Variants in CACNA1C observed in about 807,000 individuals in gnomAD.
The protein encoded by CACNA1C is voltage-dependent L-type calcium channel subunit alpha-1C.
CACNA1C carries 30 observed loss-of-function variants against 229.0 expected under a neutral mutation model. That is an observed-to-expected ratio of 0.13 (90% CI 0.10 to 0.18). The LOEUF (loss-of-function observed/expected upper bound fraction) is 0.18. CACNA1C is among the 10% of genes least tolerant of loss of function. The probability of loss-of-function intolerance (pLI) is 1.00; values close to 1 mark genes in which losing one functional copy is unlikely to be tolerated. For synonymous variants in CACNA1C, 1,114 were observed against 1,132.5 expected (o/e 0.98, Z 0.33); for missense variants, 1,658 against 2,845.0 (o/e 0.58, Z 9.49).
chr12:2,004,441 C>G, intron 1 of CACNA1C: 1 of 1,603,864 alleles, frequency 6.2e-7, no homozygotes, highest in African/African-American at 1.3e-5. Flanking sequence ...TCTTCCCTCC[C>G]TCCCAGACAT....
chr12:2,388,568 T>C (rs1309542810), intron 3 of CACNA1C, among the ~76,000 whole-genome samples: 2 of 152,234 alleles, frequency 1.3e-5, no homozygotes, highest in East Asian at 3.8e-4. Flanking sequence ...GATCAGTTCA[T>C]GGTTCATGTT....
chr12:2,591,006 A>C (rs2065029045), intron 18 of CACNA1C, among the ~76,000 whole-genome samples: 1 of 152,158 alleles, frequency 6.6e-6, no homozygotes, highest in South Asian at 2.1e-4. Flanking sequence ...TGGGTGTCAC[A>C]AGAACTCCAA....
At chr12:2,501,447 A>G (rs1291377969) in intron 7 of CACNA1C, among the ~76,000 whole-genome samples, 1 of 152,130 alleles carries the variant, frequency 6.6e-6, no homozygotes, top group Admixed American at 6.5e-5. Flanking sequence ...TCCGATACAC[A>G]ACAGAACCCT....
intron 3 of CACNA1C, among the ~76,000 whole-genome samples, chr12:2,209,752 C>T (rs966735544): frequency 3.9e-5 from 6 of 152,180 alleles, no homozygotes; most frequent in Non-Finnish European, 7.3e-5. Flanking sequence ...AGTTAATGGA[C>T]TCCTTAAAGA....
At chr12:2,127,277 A>T (rs560318715) in intron 3 of CACNA1C, among the ~76,000 whole-genome samples, 29 of 152,060 alleles carry the variant, frequency 1.9e-4, no homozygotes, top group African/African-American at 6.5e-4. Flanking sequence ...TCTGAGCCCT[A>T]TCGCCCCCCG....
chr12:2,681,335 G>A (rs558200959), intron 42 of CACNA1C, among the ~76,000 whole-genome samples: 3 of 152,270 alleles, frequency 2.0e-5, no homozygotes, highest in African/African-American at 7.2e-5. Context: ...GCACACAGTC[G>A]GTGCTCATGA....
Position 2,679,862 on chromosome 12 carries a change from G to A in CACNA1C, c.5444+66G>A. 2.5e-6 allele frequency: 3 copies of A among 1,209,354 alleles called. No homozygotes were observed. Among genetic ancestry groups the A allele is most frequent in the Non-Finnish European group, 3.5e-6 (3 of 867,504 alleles). 74.9% of individuals were successfully genotyped at this position (1,209,354 alleles called of 1,614,324 possible). A position where few individuals can be genotyped will look rare whatever the true frequency, so the allele number is the denominator to read the frequency against. ...CACGTGCTGCAACCCTCAGGAGACA[G>A]TGGAGGAGACGGAGGCCTCGGCCAG... On this transcript the variant is annotated intron_variant, in intron 42 of 46. Transcript: ENST00000399655. The surrounding 1 kb of genome is among the most constrained non-coding windows in gnomAD (Gnocchi z 5.5).
rs1316111744 is a variant in CACNA1C, at chr12:2,512,064, C to G, written c.1218-748C>G. ...AACCTTCTCTAGATTAGAAATCCTT[C>G]CAGGAATGCTGAGTGGCAGGTTGAG... On this transcript the variant is annotated intron_variant, in intron 8 of 46. Coordinates refer to ENST00000399655, the MANE Select transcript of CACNA1C (RefSeq NM_000719.7). This position sits in a 1 kb window ranked among gnomAD's most constrained non-coding sequence, Gnocchi z 4.3. 6.6e-6 allele frequency among the ~76,000 whole-genome samples: 1 copy of G among 152,116 alleles called. No individual in the cohort carries two copies. The highest frequency in any genetic ancestry group is 2.4e-5 in the African/African-American group (1 of 41,412).
At chr12:2,090,742 T>C (rs2070462274) in intron 1 of CACNA1C, among the ~76,000 whole-genome samples, 2 of 152,340 alleles carry the variant, frequency 1.3e-5, no homozygotes, top group Non-Finnish European at 1.5e-5. Context: ...TTGAGTTCTT[T>C]TGGATACATA....
intron 3 of CACNA1C, among the ~76,000 whole-genome samples, chr12:2,395,767 G>C (rs1216854285): frequency 1.3e-5 from 2 of 152,236 alleles, no homozygotes; most frequent in East Asian, 3.9e-4. Context: ...TATGATCTGA[G>C]AAAAGGTAGC....
chr12:2,504,477 T>C lies in CACNA1C; in HGVS notation c.1114-365T>C. On this transcript the variant is annotated intron_variant, in intron 7 of 46. Coordinates refer to ENST00000399655, the MANE Select transcript of CACNA1C (RefSeq NM_000719.7). This position sits in a 1 kb window ranked among gnomAD's most constrained non-coding sequence, Gnocchi z 6.8. ...GCTATGAGTTACCCTGGGTGTATTT[T>C]GTCAGTCTGGTCATCTTTGGATCCT... is the stretch of plus-strand genomic sequence containing the variant. The C allele has an allele frequency of 6.2e-7, 1 of 1,612,382 alleles. No individual in the cohort carries two copies. Among genetic ancestry groups the C allele is most frequent in the African/African-American group, 1.3e-5 (1 of 75,010 alleles).
At chr12:2,370,224 G>A (rs1329022181) in intron 3 of CACNA1C, among the ~76,000 whole-genome samples, 1 of 152,096 alleles carries the variant, frequency 6.6e-6, no homozygotes, top group African/African-American at 2.4e-5. Flanking sequence ...CAATAGGTGT[G>A]GTAAAATGGG....
Position 2,692,621 on chromosome 12 carries a change from T to A in CACNA1C, c.*1422T>A, listed in dbSNP as rs1222423646. On this transcript the variant is annotated 3_prime_UTR_variant, in exon 47 of 47. Transcript: ENST00000399655. ...CAAAAACAATGCAATAATATTCATT[T>A]AAAAATACAATTGTGAGTTGTGTTG... is the stretch of plus-strand genomic sequence containing the variant. 1.3e-5 allele frequency: 2 copies of A among 152,646 alleles called. No homozygotes were observed. Among genetic ancestry groups the A allele is most frequent in the African/African-American group, 4.8e-5 (2 of 41,458 alleles). 9.5% of individuals were successfully genotyped at this position (152,646 alleles called of 1,614,324 possible). A position where few individuals can be genotyped will look rare whatever the true frequency, so the allele number is the denominator to read the frequency against.
chr12:2,507,878 G>C (rs897143672), intron 8 of CACNA1C, among the ~76,000 whole-genome samples: 19 of 152,228 alleles, frequency 1.2e-4, no homozygotes, highest in Non-Finnish European at 2.4e-4. Context: ...CATAGGACGG[G>C]TTCATCCCAT....
Position 2,567,801 on chromosome 12 carries a change from G to A in CACNA1C, c.1895+7G>A, listed in dbSNP as rs767905628. 6.4e-7 allele frequency: 1 copy of A among 1,564,536 alleles called. No individual in the cohort carries two copies. The highest frequency in any genetic ancestry group is 8.8e-7 in the Non-Finnish European group (1 of 1,137,246). On this transcript the variant is annotated splice_region_variant and intron_variant, in intron 13 of 46. Transcript: ENST00000399655. ...GGATTTTCAAGATCACGAGGTACTGGGCTCCCCCTCTCACTTTGAAGAGGG... is the reference window on the plus strand; with the variant it reads ...GGATTTTCAAGATCACGAGGTACTGAGCTCCCCCTCTCACTTTGAAGAGGG...
chr12:2,581,272 T>G (rs2060393943), intron 13 of CACNA1C, among the ~76,000 whole-genome samples: 1 of 152,174 alleles, frequency 6.6e-6, no homozygotes, highest in African/African-American at 2.4e-5. Flanking sequence ...TCCATTTTTT[T>G]GATGGGGATG....
chr12:2,336,013 A>T (rs2154518738), intron 3 of CACNA1C, among the ~76,000 whole-genome samples: 1 of 149,248 alleles, frequency 6.7e-6, no homozygotes, highest in East Asian at 2.0e-4. Context: ...AGGAAATATA[A>T]AACAACTCCA....
chr12:2,377,770 TGAG>T (rs1023119992), intron 3 of CACNA1C, among the ~76,000 whole-genome samples: 4 of 152,156 alleles, frequency 2.6e-5, no homozygotes, highest in African/African-American at 9.7e-5. Flanking sequence ...ACACAGCTAA[TGAG>T]GAGGGGAAAG....
At chr12:2,452,602 G>C (rs2099389061) in intron 4 of CACNA1C, among the ~76,000 whole-genome samples, 1 of 152,176 alleles carries the variant, frequency 6.6e-6, no homozygotes, top group Non-Finnish European at 1.5e-5. Context: ...GCACCAAGCA[G>C]TGGTTTTGCC....
Sources: allele counts gnomAD v4.1 joint callset (sites outside exome capture counted in the v4.1 genomes callset), GRCh38; gene constraint gnomAD v4.1.1; non-coding constraint Gnocchi (gnomAD v3.1); transcripts MANE v1.5; gene names NCBI Gene and HGNC (gene_info 2026-07-23, HGNC 2026-07-21).